PHGDH: variants seen among roughly 807,000 people sequenced by gnomAD.
The protein encoded by PHGDH is phosphoglycerate dehydrogenase, also known as D-3-phosphoglycerate dehydrogenase.
A neutral mutation model predicts 52.6 loss-of-function variants in PHGDH; 50 were observed. The ratio of observed to expected loss-of-function variants is 0.95; its 90% CI spans 0.76 to 1.20. The LOEUF (loss-of-function observed/expected upper bound fraction) is 1.20. PHGDH is among the 50% of genes most tolerant of loss of function. PHGDH has a pLI of 0.00. For synonymous variants in PHGDH, 271 were observed against 280.5 expected (o/e 0.97, Z 0.34); for missense variants, 630 against 684.6 (o/e 0.92, Z 0.89).
chr1:119,738,785 G>T (rs1222960066), intron 8 of PHGDH, among the ~76,000 whole-genome samples: 1 of 151,604 alleles, frequency 6.6e-6, no homozygotes, highest in Non-Finnish European at 1.5e-5. Context: ...GGGGGTGGGG[G>T]AGGGAGGGGG....
At chr1:119,741,213 T>C (rs587693293) in intron 9 of PHGDH, among the ~76,000 whole-genome samples, 1 of 152,254 alleles carries the variant, frequency 6.6e-6, no homozygotes, top group African/African-American at 2.4e-5. Context: ...CCCCATGGAC[T>C]CTTGGGTGTC....
chr1:119,742,811 C>A lies in PHGDH; in HGVS notation c.1214C>A (p.Thr405Asn). 6.2e-7 allele frequency: 1 copy of A among 1,601,908 alleles called. No homozygotes were observed. The highest frequency in any genetic ancestry group is 8.5e-7 in the Non-Finnish European group (1 of 1,172,534). ...CACCTTGCCTTCTCCACACAGGTCA[C>A]CACCTCCCACAGCCCTGCTGCACCA... is the stretch of plus-strand genomic sequence containing the variant. Reference protein sequence around the residue: ...LLVKEAGLNVTTSHSPAAPGE... With the variant: ...LLVKEAGLNVNTSHSPAAPGE... Residue 405 changes from threonine to asparagine, a missense_variant, in exon 11 of 12, where the codon ACC (threonine) becomes AAC (asparagine). Thr to Asn is a moderately conservative substitution (Grantham distance 65, BLOSUM62 0). Transcript: ENST00000641023.
intron 8 of PHGDH, chr1:119,740,029 C>T (rs587633818): frequency 1.1e-4 from 25 of 231,264 alleles, no homozygotes; most frequent in Non-Finnish European, 1.8e-4. Context: ...AAGTTATCTG[C>T]GACTCCCATA....
intron 3 of PHGDH, chr1:119,724,671 T>TTC (rs1424136195): frequency 2.6e-6 from 1 of 387,112 alleles, no homozygotes; most frequent in East Asian, 7.1e-5. Flanking sequence ...TTTTTTTTTT[T>TTC]TTTTTGAGTA....
intron 1 of PHGDH, among the ~76,000 whole-genome samples, chr1:119,717,637 C>T (rs1285911841): frequency 2.6e-5 from 4 of 151,760 alleles, no homozygotes; most frequent in African/African-American, 7.3e-5. Flanking sequence ...TCTTCCTTTC[C>T]GCATCAATTT....
In PHGDH at chr1:119,727,088, T is replaced by C. The variant is rs149631480; in HGVS notation, c.496T>C (p.Ser166Pro). The part of the protein sequence containing the change: ...IGREVATRMQ[S>P]FGMKTIGYDP... ...GAGAGAGGTAGCTACCCGGATGCAG[T>C]CCTTTGGGATGAAGGTAAGATGTTG... is the stretch of plus-strand genomic sequence containing the variant. Residue 166 changes from serine (S) to proline (P), a missense_variant, in exon 5 of 12, where the codon TCC becomes CCC. Ser to Pro is a moderately conservative substitution (Grantham distance 74). Transcript: ENST00000641023. 1 of 1,596,862 alleles carries C rather than the reference T, an allele frequency of 6.3e-7. No homozygotes were observed. The highest frequency in any genetic ancestry group is 8.6e-7 in the Non-Finnish European group (1 of 1,164,138).
At chr1:119,727,220 C>A in intron 5 of PHGDH, 118 bp downstream of exon 5, 1 of 723,792 alleles carries the variant, frequency 1.4e-6, no homozygotes, top group Non-Finnish European at 2.5e-6. Flanking sequence ...TCTCTTGGAG[C>A]CCCCATCTAA....
chr1:119,744,064 C>A lies in PHGDH; in HGVS notation c.*24C>A. The A allele has an allele frequency of 6.2e-7, 1 of 1,612,040 alleles. No individual in the cohort carries two copies. The highest frequency in any genetic ancestry group is 8.5e-7 in the Non-Finnish European group (1 of 1,178,098). ...AACCTTGGAGCTCACTGGTCCCTGCCTCTGGGGCTTTTCTGAAGAAACCCA... is the reference window on the plus strand; with the variant it reads ...AACCTTGGAGCTCACTGGTCCCTGCATCTGGGGCTTTTCTGAAGAAACCCA... On this transcript the variant is annotated 3_prime_UTR_variant, in exon 12 of 12. Transcript: ENST00000641023.
intron 3 of PHGDH, chr1:119,724,491 G>A (rs1047435036): frequency 2.8e-4 from 96 of 337,602 alleles, no homozygotes; most frequent in Admixed American, 7.2e-4. Flanking sequence ...GAGGCAGTGG[G>A]GGGAAAGGAG....
intron 5 of PHGDH, among the ~76,000 whole-genome samples, chr1:119,730,457 C>G (rs1244934043): frequency 6.6e-6 from 1 of 152,178 alleles, no homozygotes; most frequent in Non-Finnish European, 1.5e-5. Context: ...CGGTAAACAT[C>G]AGTTTAGCAT....
chr1:119,716,733 T>G (rs1650952826), intron 1 of PHGDH, among the ~76,000 whole-genome samples: 1 of 152,112 alleles, frequency 6.6e-6, no homozygotes, highest in African/African-American at 2.4e-5. Context: ...GCTGACCACT[T>G]GAAAGGAGGT....
intron 2 of PHGDH, 148 bp downstream of exon 2, chr1:119,721,469 AAC>A (rs1651164076): frequency 1.3e-5 from 9 of 713,286 alleles, no homozygotes; most frequent in Admixed American, 2.8e-5. Flanking sequence ...CTGCATGGTC[AAC>A]ACACACAGCA....
At chr1:119,714,738 C>T (rs1023861384) in intron 1 of PHGDH, among the ~76,000 whole-genome samples, 1 of 152,136 alleles carries the variant, frequency 6.6e-6, no homozygotes, top group African/African-American at 2.4e-5. Flanking sequence ...GCATCTTGCA[C>T]AAGCCTGTAG....
intron 1 of PHGDH, chr1:119,712,749 G>A (rs920349191): frequency 1.2e-5 from 2 of 172,212 alleles, no homozygotes; most frequent in Admixed American, 5.6e-5. Context: ...GGCAGCTGGA[G>A]GGGAAGGCAG....
chr1:119,715,162 C>G (rs1227615318), intron 1 of PHGDH, among the ~76,000 whole-genome samples: 2 of 152,196 alleles, frequency 1.3e-5, no homozygotes, highest in Non-Finnish European at 2.9e-5. Context: ...CACACAGACA[C>G]ACACAAATTT....
intron 8 of PHGDH, among the ~76,000 whole-genome samples, chr1:119,737,479 C>T (rs990217731): frequency 6.6e-6 from 1 of 152,310 alleles, no homozygotes; most frequent in South Asian, 2.1e-4. Flanking sequence ...GCAGAGAGCC[C>T]GGCTCAGGCC....
At chr1:119,713,920 G>C (rs1015550210) in intron 1 of PHGDH, among the ~76,000 whole-genome samples, 4 of 152,156 alleles carry the variant, frequency 2.6e-5, no homozygotes, top group Non-Finnish European at 5.9e-5. Flanking sequence ...CATAATGAGG[G>C]GTTGTTCCAT....
chr1:119,742,350 C>T, intron 10 of PHGDH: 2 of 358,304 alleles, frequency 5.6e-6, no homozygotes, highest in South Asian at 2.5e-5. Context: ...AGATCAAAGT[C>T]TGTTTCAAAG....
intron 5 of PHGDH, among the ~76,000 whole-genome samples, chr1:119,732,871 G>A (rs1015676322): frequency 1.3e-5 from 2 of 152,164 alleles, no homozygotes; most frequent in Non-Finnish European, 2.9e-5. Flanking sequence ...GTAGACGTCA[G>A]TCAGGCTGGA....
Sources: gnomAD v4.1 joint callset for allele counts (sites outside exome capture counted in the v4.1 genomes callset) on GRCh38, gnomAD v4.1.1 for gene constraint, MANE v1.5 for transcripts, NCBI Gene and HGNC (gene_info 2026-07-23, HGNC 2026-07-21) for gene names.